Variants in LMAN2 observed in about 807,000 individuals in gnomAD.
LMAN2 encodes the protein vesicular integral-membrane protein VIP36.
In LMAN2, 22 loss-of-function variants were observed where a neutral mutation model predicts 39.3. The ratio of observed to expected loss-of-function variants is 0.56; its 90% CI spans 0.40 to 0.80. The LOEUF (loss-of-function observed/expected upper bound fraction) is 0.80, where lower values mean the gene tolerates loss of function less well. Ranked by LOEUF, LMAN2 falls within the 30% of genes least tolerant of loss-of-function variation. The pLI is 0.00. For missense variants in LMAN2, 494 were observed against 505.4 expected (o/e 0.98, Z 0.22); for synonymous variants, 207 against 207.8 (o/e 1.00, Z 0.03).
Position 177,334,929 on chromosome 5 carries a change from C to A in LMAN2, c.791-526G>T, listed in dbSNP as rs34717340. ...TGCAGGGGAACAACTCGGCAACCAGCTAAGGGCCTGAGCCTAACGCAGGTC... is the reference window on the plus strand; with the variant it reads ...TGCAGGGGAACAACTCGGCAACCAGATAAGGGCCTGAGCCTAACGCAGGTC... On this transcript the variant is annotated intron_variant, in intron 6 of 7. Coordinates refer to ENST00000303127, the MANE Select transcript of LMAN2 (RefSeq NM_006816.3). Among the ~76,000 whole-genome samples the A allele has an allele frequency of 6.6e-5, 10 of 152,306 alleles. No homozygotes were observed. The South Asian group carries it at 2.1e-3, about 32-fold the overall frequency.
rs1581606275 is a variant in LMAN2 at position 177,346,540 on chromosome 5, GA to G, written c.315+4632del. ...AAAGGGGTTCTTCTTAATGATAAAA[GA>G]TTCCATTTACCTACAGATATAATAA... On this transcript the variant is annotated intron_variant, in intron 2 of 7. Coordinates refer to ENST00000303127, the MANE Select transcript of LMAN2 (RefSeq NM_006816.3). The G allele has an allele frequency of 1.8e-5, 3 of 170,582 alleles. No homozygotes were observed. The East Asian group carries it at 4.2e-4, about 24-fold the overall frequency. The allele number at this position is 170,582 out of a possible 1,614,324, so 10.6% of individuals were successfully genotyped here. A position where few individuals can be genotyped will look rare whatever the true frequency, so the allele number is the denominator to read the frequency against.
intron 7 of LMAN2, among the ~76,000 whole-genome samples, chr5:177,333,983 C>A (rs974624864): frequency 1.3e-5 from 2 of 152,268 alleles, no homozygotes; most frequent in African/African-American, 2.4e-5. Flanking sequence ...TGTTGATCAG[C>A]CACTGCTTGC....
Position 177,337,695 on chromosome 5 carries a change from C to T in LMAN2, c.513+11G>A. 1 of 1,613,524 alleles carries T rather than the reference C, an allele frequency of 6.2e-7. No individual in the cohort carries two copies. The highest frequency in any genetic ancestry group is 1.7e-5 in the Admixed American group (1 of 59,984). On this transcript the variant is annotated intron_variant, in intron 4 of 7. Coordinates refer to ENST00000303127, the MANE Select transcript of LMAN2 (RefSeq NM_006816.3). This position sits in a 1 kb window ranked among gnomAD's most constrained non-coding sequence, Gnocchi z 8.2. ...TCCTTTCCTGCTCAGCAGGATAGAG[C>T]AGGGGCCTACCTCAGTGGTCTCATC...
In LMAN2 at chr5:177,337,029, AG is replaced by A; in HGVS notation, c.790+106del. The A allele has an allele frequency of 1.3e-6, 1 of 776,058 alleles. No homozygotes were observed. Among genetic ancestry groups the A allele is most frequent in the Non-Finnish European group, 2.2e-6 (1 of 462,610 alleles). The allele number at this position is 776,058 out of a possible 1,614,324, so 48.1% of individuals were successfully genotyped here. On this transcript the variant is annotated intron_variant, in intron 6 of 7. Transcript: ENST00000303127. The surrounding 1 kb of genome is among the most constrained non-coding windows in gnomAD (Gnocchi z 8.2). ...AGAAAGGAGGAGGAGGAACACAGCC[AG>A]GTGAGCTCAGAAACCACATGAAGGC...
chr5:177,342,563 G>A (rs1364352737), intron 2 of LMAN2, among the ~76,000 whole-genome samples: 1 of 152,122 alleles, frequency 6.6e-6, no homozygotes, highest in East Asian at 1.9e-4. Context: ...GCGCATGCCT[G>A]TAGTCCCAGC....
intron 7 of LMAN2, among the ~76,000 whole-genome samples, chr5:177,333,397 C>A (rs1581600388): frequency 1.3e-5 from 2 of 152,266 alleles, no homozygotes; most frequent in Non-Finnish European, 2.9e-5. Context: ...GTGGGCAAGG[C>A]AGGTGCCACC....
At chr5:177,349,521 G>A (rs187736358) in intron 2 of LMAN2, among the ~76,000 whole-genome samples, 11 of 152,158 alleles carry the variant, frequency 7.2e-5, no homozygotes, top group African/African-American at 2.7e-4. Context: ...TTGTACTCCA[G>A]ACTGAAAATT....
At chr5:177,339,419 G>A (rs902557463) in intron 2 of LMAN2, among the ~76,000 whole-genome samples, 2 of 152,232 alleles carry the variant, frequency 1.3e-5, no homozygotes, top group Non-Finnish European at 2.9e-5. Context: ...GGTCAGGGTC[G>A]TGCTCTGGGA....
rs1266065922 is a variant in LMAN2 at position 177,337,264 on chromosome 5, C to G, written c.676-14G>C. ...GTCGGTCATCACCTGCAGGGCCCAG[C>G]ACGCTAAGCACCTCGCAGGACAGCA... On this transcript the variant is annotated splice_polypyrimidine_tract_variant and intron_variant, in intron 5 of 7. Transcript: ENST00000303127. The surrounding 1 kb of genome is among the most constrained non-coding windows in gnomAD (Gnocchi z 8.2). 1 of 1,613,616 alleles carries G rather than the reference C, an allele frequency of 6.2e-7. No homozygotes were observed. The highest frequency in any genetic ancestry group is 2.2e-5 in the East Asian group (1 of 44,878).
chr5:177,351,377 G>A (rs1761721372), intron 1 of LMAN2, 75 bp downstream of exon 1: 5 of 1,604,786 alleles, frequency 3.1e-6, no homozygotes, highest in African/African-American at 2.7e-5. Flanking sequence ...CTGCTCAGGA[G>A]AAAGGGCACG....
chr5:177,345,694 A>G (rs1761625269), intron 2 of LMAN2, among the ~76,000 whole-genome samples: 1 of 152,092 alleles, frequency 6.6e-6, no homozygotes, highest in South Asian at 2.1e-4. Context: ...GCTCTGGCTG[A>G]GGAACAAGTT....
At chr5:177,336,616 A>G (rs1048166611) in intron 6 of LMAN2, among the ~76,000 whole-genome samples, 9 of 152,164 alleles carry the variant, frequency 5.9e-5, no homozygotes, top group Non-Finnish European at 1.3e-4. Context: ...TGAGAGAAAG[A>G]AGGGTCCGGA....
chr5:177,344,489 C>T (rs2127318402), intron 2 of LMAN2, among the ~76,000 whole-genome samples: 1 of 148,822 alleles, frequency 6.7e-6, no homozygotes, highest in African/African-American at 2.5e-5. Context: ...ACCATGTTGG[C>T]CAGGATGGTC....
In LMAN2 at chr5:177,332,105, C is replaced by T. The variant is rs770111452; in HGVS notation, c.1052G>A (p.Arg351Gln). Residue 351 changes from arginine (R) to glutamine (Q), a missense_variant, in exon 8 of 8, where the codon CGG becomes CAG. By Grantham distance (43) the Arg-to-Gln change is conservative (BLOSUM62 1). Transcript: ENST00000303127. This position sits in a 1 kb window ranked among gnomAD's most constrained non-coding sequence, Gnocchi z 6.3. ...GAVVFQKRQE[R>Q]NKRFY ...CGCCACTCAGTAGAAGCGCTTGTTC[C>T]GCTCCTGCCGCTTCTGGAACACCAC... 85 of 1,612,888 alleles carry T rather than the reference C, an allele frequency of 5.3e-5. 1 individual carries two copies. Among genetic ancestry groups the T allele is most frequent in the Admixed American group, 1.2e-4 (7 of 59,978 alleles).
At chr5:177,345,179 A>C (rs1444958911) in intron 2 of LMAN2, among the ~76,000 whole-genome samples, 1 of 141,440 alleles carries the variant, frequency 7.1e-6, no homozygotes, top group Non-Finnish European at 1.5e-5. Context: ...ACTTCTACCA[A>C]AAAAAAAAAA....
At position 177,336,185 on chromosome 5, in the gene LMAN2, G is replaced by A. The variant is rs536616108; in HGVS notation, c.790+951C>T. On this transcript the variant is annotated intron_variant, in intron 6 of 7. Transcript: ENST00000303127. Reference sequence around the variant, plus strand: ...CACGACATTCCACGAGGGCATCAGGGAAGGCCGCACTGAGGAGGTAACATC... The same window carrying A: ...CACGACATTCCACGAGGGCATCAGGAAAGGCCGCACTGAGGAGGTAACATC... Among the ~76,000 whole-genome samples the A allele has an allele frequency of 4.0e-3, 612 of 152,332 alleles. 2 individuals are homozygous for A. The highest frequency in any genetic ancestry group is 6.2e-3 in the Non-Finnish European group (422 of 68,010).
intron 2 of LMAN2, among the ~76,000 whole-genome samples, chr5:177,342,408 T>C (rs560430842): frequency 3.4e-4 from 51 of 152,178 alleles, no homozygotes; most frequent in Non-Finnish European, 5.6e-4. Flanking sequence ...ACCTGGCCGG[T>C]TGCAGTGGCT....
At chr5:177,334,956 G>A (rs181204314) in intron 6 of LMAN2, among the ~76,000 whole-genome samples, 1 of 152,348 alleles carries the variant, frequency 6.6e-6, no homozygotes, top group Non-Finnish European at 1.5e-5. Flanking sequence ...ACGCAGGTCA[G>A]CAGCTGTGCC....
chr5:177,339,918 C>T (rs1172169749), intron 2 of LMAN2, among the ~76,000 whole-genome samples: 1 of 152,126 alleles, frequency 6.6e-6, no homozygotes, highest in African/African-American at 2.4e-5. Flanking sequence ...CTCTGGGCAC[C>T]AGGAACCCAG....
Sources: gnomAD v4.1 joint callset for allele counts (sites outside exome capture counted in the v4.1 genomes callset) on GRCh38, gnomAD v4.1.1 for gene constraint, Gnocchi (gnomAD v3.1) non-coding constraint, MANE v1.5 for transcripts, NCBI Gene and HGNC (gene_info 2026-07-23, HGNC 2026-07-21) for gene names.